The following SH3PXD2A variants were observed in gnomAD, a reference collection of about 807,000 sequenced individuals.
SH3PXD2A encodes the protein SH3 and PX domain-containing protein 2A.
In SH3PXD2A, 32 loss-of-function variants were observed where a neutral mutation model predicts 115.2. The ratio of observed to expected loss-of-function variants is 0.28; its 90% CI spans 0.21 to 0.37. The LOEUF is 0.37. Ranked by LOEUF, SH3PXD2A falls within the 10% of genes least tolerant of loss-of-function variation. The pLI, the probability that SH3PXD2A is intolerant of heterozygous loss-of-function variation, is 1.00. For synonymous variants in SH3PXD2A, 610 were observed against 629.1 expected, an observed-to-expected ratio of 0.97 and a Z score of 0.45; for missense variants, 1,328 against 1,498.7, an observed-to-expected ratio of 0.89 and a Z score of 1.88.
At chr10:103,846,076 C>T (rs1472616402) in intron 1 of SH3PXD2A, among the ~76,000 whole-genome samples, 9 of 152,248 alleles carry the variant, frequency 5.9e-5, no homozygotes, top group Admixed American at 6.5e-5. Context: ...ATTGTCCCAC[C>T]CGCCCCACTG....
At chr10:103,810,919 CGG>C (rs1399586401) in intron 1 of SH3PXD2A, among the ~76,000 whole-genome samples, 4,918 of 17,346 alleles carry the variant, frequency 0.28, 190 homozygotes, top group African/African-American at 0.39. Flanking sequence ...CACACACACA[CGG>C]AGACACACAC....
At chr10:103,781,003 G>C (rs973875295) in intron 2 of SH3PXD2A, among the ~76,000 whole-genome samples, 10 of 152,232 alleles carry the variant, frequency 6.6e-5, no homozygotes, top group African/African-American at 2.4e-4. Context: ...CCTGCCTGAG[G>C]TCTCCACAGG....
At chr10:103,643,142 G>C (rs1309899653) in intron 8 of SH3PXD2A, among the ~76,000 whole-genome samples, 3 of 152,184 alleles carry the variant, frequency 2.0e-5, no homozygotes, top group Non-Finnish European at 4.4e-5. Context: ...CTGACAACGT[G>C]GATTCTTCTA....
chr10:103,734,781 A>C (rs1472046664), intron 4 of SH3PXD2A, among the ~76,000 whole-genome samples: 11 of 152,216 alleles, frequency 7.2e-5, no homozygotes, highest in Admixed American at 7.2e-4. Flanking sequence ...AAATTTTTAA[A>C]AAATAAAGCT....
At chr10:103,753,178 C>T (rs1411698609) in intron 3 of SH3PXD2A, among the ~76,000 whole-genome samples, 3 of 151,834 alleles carry the variant, frequency 2.0e-5, no homozygotes, top group Admixed American at 6.6e-5. Context: ...GTGGCAAGGA[C>T]ATAAAGAATA....
chr10:103,819,528 T>G (rs2039356537), intron 1 of SH3PXD2A, among the ~76,000 whole-genome samples: 1 of 151,576 alleles, frequency 6.6e-6, no homozygotes, highest in Admixed American at 6.6e-5. Context: ...GGAGGTAAAC[T>G]GAGTCCCAGC....
intron 5 of SH3PXD2A, among the ~76,000 whole-genome samples, chr10:103,703,655 G>C (rs1314143199): frequency 3.9e-5 from 6 of 152,236 alleles, no homozygotes; most frequent in African/African-American, 1.2e-4. Context: ...GTCCTGTCCA[G>C]TATGGTACCA....
At chr10:103,739,358 T>C (rs1193947886) in intron 3 of SH3PXD2A, among the ~76,000 whole-genome samples, 1 of 152,216 alleles carries the variant, frequency 6.6e-6, no homozygotes, top group Non-Finnish European at 1.5e-5. Context: ...AGCTGAGTTT[T>C]TGGAAGCCCA....
chr10:103,602,898 C>T lies in SH3PXD2A; in HGVS notation c.2320G>A (p.Asp774Asn). The T allele has an allele frequency of 6.2e-7, 1 of 1,614,068 alleles. No homozygotes were observed. The highest frequency in any genetic ancestry group is 8.5e-7 in the Non-Finnish European group (1 of 1,179,918). The change falls in exon 15 of 15, where the codon GAC (aspartate) becomes AAC (asparagine). Residue 774 changes from aspartate to asparagine, a missense_variant. Physicochemically the swap from Asp to Asn is conservative, Grantham distance 23 (BLOSUM62 1). Around this residue, in one of 5 missense-constraint regions of SH3PXD2A, gnomAD observed 574 missense variants for 565.7 expected, o/e 1.01. Coordinates refer to ENST00000369774, the MANE Select transcript of SH3PXD2A (RefSeq NM_001394015.1). ...RAESQSQEKM[D>N]ISTLRRQLRP... ...AGCTGGCGCCGTAAAGTGCTGATGT[C>T]CATCTTCTCTTGGCTCTGCGACTCT...
At chr10:103,791,206 T>C (rs1262521707) in intron 2 of SH3PXD2A, among the ~76,000 whole-genome samples, 3 of 152,166 alleles carry the variant, frequency 2.0e-5, no homozygotes, top group East Asian at 1.9e-4. Context: ...ATTGACCCCA[T>C]GGAGAGGCTG....
At chr10:103,752,538 G>A (rs976936162) in intron 3 of SH3PXD2A, among the ~76,000 whole-genome samples, 1 of 152,170 alleles carries the variant, frequency 6.6e-6, no homozygotes, top group African/African-American at 2.4e-5. Flanking sequence ...TAATGTTGGA[G>A]AAACTGCTGT....
chr10:103,703,828 A>G (rs986535370), intron 5 of SH3PXD2A, among the ~76,000 whole-genome samples: 2 of 152,152 alleles, frequency 1.3e-5, no homozygotes, highest in African/African-American at 4.8e-5. Context: ...TGGTATGGCC[A>G]GAAGGTTTGC....
rs970717133 is a variant in SH3PXD2A at position 103,746,179 on chromosome 10, A to G, written c.230-10371T>C. 5.9e-5 allele frequency: 9 copies of G among 152,366 alleles called. No homozygotes were observed. The highest frequency in any genetic ancestry group is 5.9e-4 in the Admixed American group (9 of 15,302). The allele number at this position is 152,366 out of a possible 1,614,324, so 9.4% of individuals were successfully genotyped here. A position where few individuals can be genotyped will look rare whatever the true frequency, so the allele number is the denominator to read the frequency against. Reference sequence around the variant, plus strand: ...CCCCAGGTGGGTCAACTGGGATTTTATGGGTGTCTGCTAGTGATAAAGCAC... The same window carrying G: ...CCCCAGGTGGGTCAACTGGGATTTTGTGGGTGTCTGCTAGTGATAAAGCAC... On this transcript the variant is annotated intron_variant, in intron 3 of 14. Transcript: ENST00000369774. The surrounding 1 kb of genome is among the most constrained non-coding windows in gnomAD (Gnocchi z 4.4).
At chr10:103,705,861 G>T (rs1047034232) in intron 5 of SH3PXD2A, among the ~76,000 whole-genome samples, 5 of 152,156 alleles carry the variant, frequency 3.3e-5, no homozygotes, top group Non-Finnish European at 7.4e-5. Flanking sequence ...GCTGGGTGTG[G>T]TGGTGTGCAC....
intron 8 of SH3PXD2A, among the ~76,000 whole-genome samples, chr10:103,648,158 C>T (rs913614372): frequency 6.6e-6 from 1 of 152,078 alleles, no homozygotes; most frequent in Non-Finnish European, 1.5e-5. Flanking sequence ...CCCAGGTAGA[C>T]AAGAAAGAGT....
chr10:103,733,229 G>A (rs956824915), intron 4 of SH3PXD2A, among the ~76,000 whole-genome samples: 1 of 152,088 alleles, frequency 6.6e-6, no homozygotes, highest in Non-Finnish European at 1.5e-5. Context: ...CCCCAGCTAC[G>A]CGTGGTACAC....
At chr10:103,714,452 G>A (rs935497127) in intron 5 of SH3PXD2A, among the ~76,000 whole-genome samples, 11 of 152,326 alleles carry the variant, frequency 7.2e-5, no homozygotes, top group Non-Finnish European at 1.5e-4. Context: ...CCTCCCAGGC[G>A]TGTGCGCTAT....
At chr10:103,781,028 C>T (rs2134240728) in intron 2 of SH3PXD2A, among the ~76,000 whole-genome samples, 1 of 152,306 alleles carries the variant, frequency 6.6e-6, no homozygotes, top group Non-Finnish European at 1.5e-5. Context: ...ACCTGCTGTT[C>T]CACAGCTCCC....
At chr10:103,763,979 C>T (rs2038728409) in intron 3 of SH3PXD2A, among the ~76,000 whole-genome samples, 1 of 152,218 alleles carries the variant, frequency 6.6e-6, no homozygotes, top group Non-Finnish European at 1.5e-5. Flanking sequence ...TGTTTCCTTC[C>T]CTGCCACAGG....
Sources: gnomAD v4.1 joint callset for allele counts (sites outside exome capture counted in the v4.1 genomes callset) on GRCh38, gnomAD v4.1.1 for gene constraint, gnomAD v4.1.1 regional missense constraint, Gnocchi (gnomAD v3.1) non-coding constraint, MANE v1.5 for transcripts, NCBI Gene and HGNC (gene_info 2026-07-23, HGNC 2026-07-21) for gene names.